Variants in SOX5 observed in about 807,000 individuals in gnomAD.
SOX5 encodes SRY-box transcription factor 5, also known as transcription factor SOX-5.
In SOX5, 9 loss-of-function variants were observed where a neutral mutation model predicts 92.0. The ratio of observed to expected loss-of-function variants is 0.10; its 90% confidence interval spans 0.06 to 0.17. SOX5 has a LOEUF of 0.17. Ranked by LOEUF, SOX5 falls within the 10% of genes least tolerant of loss-of-function variation. The pLI is 1.00. For synonymous variants in SOX5, 344 were observed against 336.3 expected, an observed-to-expected ratio of 1.02 and a Z score of -0.25; for missense variants, 642 against 944.5, an observed-to-expected ratio of 0.68 and a Z score of 4.20.
At chr12:23,846,342 G>C in intron 2 of SOX5, 149 bp from the exon 3 acceptor site, 1 of 646,122 alleles carries the variant, frequency 1.5e-6, no homozygotes, top group Non-Finnish European at 2.7e-6. Context: ...GGCTTATTCA[G>C]CTGAAAGATT....
intron 8 of SOX5, among the ~76,000 whole-genome samples, chr12:23,615,082 G>A (rs1396399726): frequency 1.3e-5 from 2 of 152,116 alleles, no homozygotes; most frequent in African/African-American, 2.4e-5. Context: ...GATTACAGGC[G>A]TGAGCCACCG....
chr12:24,276,333 C>A (rs1169143054), intron 3 of SOX5, among the ~76,000 whole-genome samples: 1 of 152,052 alleles, frequency 6.6e-6, no homozygotes, highest in Non-Finnish European at 1.5e-5. Flanking sequence ...ACCATTAATT[C>A]TAAGGGTTTT....
chr12:23,902,432 T>TA (rs1205366937), intron 1 of SOX5, among the ~76,000 whole-genome samples: 1 of 152,230 alleles, frequency 6.6e-6, no homozygotes, highest in Admixed American at 6.5e-5. Context: ...CAGTTATATA[T>TA]AAAAAATTGC....
In SOX5 at chr12:24,211,348, T is replaced by G. The variant is rs534922430; in HGVS notation, c.-2+1995A>C. ...TGACATACACATCAAAATCTTCACT[T>G]TATGTTTTCTTCCATAGGAATGAAA... On this transcript the variant is annotated intron_variant, in intron 4 of 4. Coordinates refer to the SOX5 transcript ENST00000446891. 2.6e-5 allele frequency among the ~76,000 whole-genome samples: 4 copies of G among 152,352 alleles called. No homozygotes were observed. In the South Asian group the frequency reaches 8.3e-4, roughly 32 times the overall value.
At position 24,327,909 on chromosome 12, in the gene SOX5, C is replaced by A. The variant is rs1376857926; in HGVS notation, c.-174+40654G>T. 4.0e-5 allele frequency among the ~76,000 whole-genome samples: 6 copies of A among 151,858 alleles called. No individual in the cohort carries two copies. The East Asian group carries it at 1.2e-3, about 29-fold the overall frequency. On this transcript the variant is annotated intron_variant, in intron 2 of 4. Coordinates refer to the SOX5 transcript ENST00000446891. ...GTTTCACCATGTTGGTCAGGCTGGT[C>A]TCGAACTTGTGACCTCAAGTGGTCC...
intron 2 of SOX5, among the ~76,000 whole-genome samples, chr12:24,308,471 CCTT>C (rs1948836640): frequency 6.6e-6 from 1 of 152,198 alleles, no homozygotes; most frequent in African/African-American, 2.4e-5. Context: ...CTCTGTCTCT[CCTT>C]CTGCCTCATC....
chr12:23,571,115 C>T lies in SOX5; in HGVS notation c.1342+4546G>A, dbSNP rs1948296577. On this transcript the variant is annotated intron_variant, in intron 10 of 14. Transcript: ENST00000451604. ...CAACCACTACACTCCAGCCACCACA[C>T]TCCAGCCGGGACAACAGAAAGAGTA... 2.7e-5 allele frequency among the ~76,000 whole-genome samples: 4 copies of T among 148,316 alleles called. No individual in the cohort carries two copies. The South Asian group carries it at 8.5e-4, about 31-fold the overall frequency.
At chr12:23,680,732 G>T (rs2086486243) in intron 6 of SOX5, among the ~76,000 whole-genome samples, 1 of 152,008 alleles carries the variant, frequency 6.6e-6, no homozygotes, top group African/African-American at 2.4e-5. Flanking sequence ...ACTATGAAAG[G>T]CAAAGATAAA....
rs78095035 is a variant in SOX5, at chr12:23,695,518, G to A, written c.811-29954C>T. On this transcript the variant is annotated intron_variant, in intron 6 of 14. Transcript: ENST00000451604. ...TTATCTTAAATAAGTATTGAGTTTTGTCAAATGCTTTTTCTGCTTCTATTA... is the reference window on the plus strand; with the variant it reads ...TTATCTTAAATAAGTATTGAGTTTTATCAAATGCTTTTTCTGCTTCTATTA... 8.4e-3 allele frequency among the ~76,000 whole-genome samples: 1,285 copies of A among 152,210 alleles called. 20 individuals carry two copies. Among genetic ancestry groups the A allele is most frequent in the African/African-American group, 0.03 (1,227 of 41,538 alleles).
At chr12:24,113,256 A>C (rs1189429834) in intron 4 of SOX5, among the ~76,000 whole-genome samples, 4 of 25,936 alleles carry the variant, frequency 1.5e-4, no homozygotes, top group Non-Finnish European at 5.2e-4. Context: ...GTAGAATCAT[A>C]AAAAAAAAAA....
intron 4 of SOX5, among the ~76,000 whole-genome samples, chr12:23,969,668 C>T (rs1345453607): frequency 3.3e-5 from 5 of 152,150 alleles, no homozygotes; most frequent in Non-Finnish European, 5.9e-5. Flanking sequence ...TCTTTATGTC[C>T]AGACTAAGCT....
intron 4 of SOX5, among the ~76,000 whole-genome samples, chr12:24,011,154 A>T (rs12311849): frequency 6.6e-6 from 1 of 152,094 alleles, no homozygotes; most frequent in African/African-American, 2.4e-5. Flanking sequence ...CTTGTAATAC[A>T]GCAGGGCTAC....
intron 4 of SOX5, among the ~76,000 whole-genome samples, chr12:24,134,897 T>C (rs1949977794): frequency 6.6e-6 from 1 of 152,096 alleles, no homozygotes; most frequent in African/African-American, 2.4e-5. Flanking sequence ...AATCCAGGGA[T>C]TAAAAAAAGT....
intron 3 of SOX5, among the ~76,000 whole-genome samples, chr12:23,759,022 C>A (rs1237592861): frequency 3.3e-5 from 2 of 60,450 alleles, no homozygotes; most frequent in African/African-American, 9.5e-5. Context: ...CACACACACA[C>A]ACACACAGAC....
At chr12:24,424,201 A>G (rs1051953718) in intron 1 of SOX5, among the ~76,000 whole-genome samples, 1 of 152,096 alleles carries the variant, frequency 6.6e-6, no homozygotes, top group African/African-American at 2.4e-5. Context: ...AGCTTTAAGA[A>G]TAGATAAAGG....
At chr12:23,762,448 T>C in intron 3 of SOX5, 1 of 404,866 alleles carries the variant, frequency 2.5e-6, no homozygotes. Flanking sequence ...CAACAAACAA[T>C]AGAAACACAC....
chr12:23,936,966 T>C (rs1942708041), intron 1 of SOX5, among the ~76,000 whole-genome samples: 2 of 150,902 alleles, frequency 1.3e-5, no homozygotes, highest in South Asian at 4.1e-4. Context: ...GTAGCTACCA[T>C]ATTAGAAAGG....
chr12:24,056,930 C>A (rs1376806256), intron 4 of SOX5, among the ~76,000 whole-genome samples: 4 of 131,424 alleles, frequency 3.0e-5, no homozygotes, highest in East Asian at 4.3e-4. Flanking sequence ...AGCCGAGATC[C>A]CGCCACTGCA....
intron 4 of SOX5, among the ~76,000 whole-genome samples, chr12:23,999,999 G>A (rs190987212): frequency 3.1e-4 from 47 of 151,360 alleles, no homozygotes; most frequent in African/African-American, 1.0e-3. Context: ...TCTCTTAAAG[G>A]GTTTATAAAA....
Sources: gnomAD v4.1 joint callset for allele counts (sites outside exome capture counted in the v4.1 genomes callset) on GRCh38, gnomAD v4.1.1 for gene constraint, MANE v1.5 for transcripts, NCBI Gene and HGNC (gene_info 2026-07-23, HGNC 2026-07-21) for gene names.